GPD1L: variants seen among roughly 807,000 people sequenced by gnomAD.
GPD1L encodes glycerol-3-phosphate dehydrogenase 1 like, also known as glycerol-3-phosphate dehydrogenase 1-like protein.
Under a neutral mutation model 32.9 loss-of-function variants are expected in GPD1L, and 17 were observed. That is an observed-to-expected ratio of 0.52 (90% confidence interval 0.35 to 0.78). The LOEUF (loss-of-function observed/expected upper bound fraction) is 0.78, where lower values mean the gene tolerates loss of function less well. Ranked by LOEUF, GPD1L falls within the 30% of genes least tolerant of loss-of-function variation. The probability of loss-of-function intolerance (pLI) is 0.01; values close to 1 mark genes in which losing one functional copy is unlikely to be tolerated. For missense variants in GPD1L, 361 were observed against 447.8 expected (o/e 0.81, Z 1.75); for synonymous variants, 187 against 165.9 (o/e 1.13, Z -0.98).
chr3:32,135,157 G>A (rs757964804), intron 2 of GPD1L, among the ~76,000 whole-genome samples: 2 of 152,200 alleles, frequency 1.3e-5, no homozygotes, highest in Non-Finnish European at 2.9e-5. Flanking sequence ...GGGAAAGGGA[G>A]GAATGTGTAT....
chr3:32,112,045 T>C (rs1700260718), intron 1 of GPD1L, among the ~76,000 whole-genome samples: 1 of 152,192 alleles, frequency 6.6e-6, no homozygotes, highest in East Asian at 1.9e-4. Context: ...GGAGTGAGAG[T>C]TGATAGGATG....
rs142010279 is a variant in GPD1L at position 32,110,386 on chromosome 3, G to A, written c.47+3628G>A. Among the ~76,000 whole-genome samples the A allele has an allele frequency of 3.3e-4, 50 of 152,284 alleles. No individual in the cohort carries two copies. In the East Asian group the frequency reaches 9.7e-3, roughly 29 times the overall value. ...ACCAAGAGATAGACCTACCCTTCCA[G>A]ATCTGGTTCTTACCTCAGGAATGTC... is the stretch of plus-strand genomic sequence containing the variant. On this transcript the variant is annotated intron_variant, in intron 1 of 7. Coordinates refer to ENST00000282541, the MANE Select transcript of GPD1L (RefSeq NM_015141.4).
At chr3:32,155,054 C>T (rs1700968332) in intron 5 of GPD1L, among the ~76,000 whole-genome samples, 1 of 152,160 alleles carries the variant, frequency 6.6e-6, no homozygotes, top group Non-Finnish European at 1.5e-5. Flanking sequence ...TTTTACCTCC[C>T]AAGCCTTGGT....
Position 32,138,671 on chromosome 3 carries a change from T to G in GPD1L, c.310T>G (p.Cys104Gly). The G allele has an allele frequency of 6.2e-7, 1 of 1,614,022 alleles. No homozygotes were observed. The highest frequency in any genetic ancestry group is 8.5e-7 in the Non-Finnish European group (1 of 1,179,920). ...VIPHQFIHRI[C>G]DEITGRVPKK... The stretch of plus-strand genomic sequence containing the variant: ...TCCCCACCAGTTCATTCACAGAATC[T>G]GTGATGAGATCACTGGGAGAGTGCC... The change falls in exon 3 of 8, where the codon TGT (cysteine) becomes GGT (glycine). Residue 104 changes from cysteine to glycine, a missense_variant. Coordinates refer to ENST00000282541, the MANE Select transcript of GPD1L (RefSeq NM_015141.4).
chr3:32,146,883 C>T, intron 5 of GPD1L, 149 bp downstream of exon 5: 1 of 687,948 alleles, frequency 1.5e-6, no homozygotes, highest in Non-Finnish European at 2.7e-6. Context: ...TCCTGTTTTG[C>T]TGCAGCCTTT....
chr3:32,154,839 C>T (rs1462342991), intron 5 of GPD1L, among the ~76,000 whole-genome samples: 1 of 152,012 alleles, frequency 6.6e-6, no homozygotes. Flanking sequence ...CCTCCGCCTC[C>T]CCAGCTCAAG....
intron 4 of GPD1L, among the ~76,000 whole-genome samples, chr3:32,145,188 G>T (rs1027953853): frequency 6.6e-6 from 1 of 151,918 alleles, no homozygotes; most frequent in Non-Finnish European, 1.5e-5. Flanking sequence ...GTATGGTGGC[G>T]CATGCCTATA....
At chr3:32,133,638 A>G (rs1198371537) in intron 2 of GPD1L, among the ~76,000 whole-genome samples, 1 of 152,180 alleles carries the variant, frequency 6.6e-6, no homozygotes, top group East Asian at 1.9e-4. Flanking sequence ...GCCTATTTAT[A>G]GTCATGAATG....
intron 7 of GPD1L, among the ~76,000 whole-genome samples, chr3:32,164,443 T>A (rs1204523733): frequency 6.6e-6 from 1 of 152,230 alleles, no homozygotes; most frequent in East Asian, 1.9e-4. Context: ...TCAGGGAGCT[T>A]TCTCGGTCCA....
chr3:32,109,039 C>T (rs530269976), intron 1 of GPD1L, among the ~76,000 whole-genome samples: 4 of 152,208 alleles, frequency 2.6e-5, no homozygotes, highest in African/African-American at 4.8e-5. Flanking sequence ...TTAGTAGAGA[C>T]GGGGTTTCAC....
rs1246368777 is a variant in GPD1L at position 32,126,413 on chromosome 3, T to C, written c.48-1663T>C. ...CTAGACTTAGATTCCTGGTGTCTCATAGTCCCTCGTCAGTTGATGCTCAGT... is the reference window on the plus strand; with the variant it reads ...CTAGACTTAGATTCCTGGTGTCTCACAGTCCCTCGTCAGTTGATGCTCAGT... On this transcript the variant is annotated intron_variant, in intron 1 of 7. Transcript: ENST00000282541. 2.0e-5 allele frequency among the ~76,000 whole-genome samples: 3 copies of C among 152,172 alleles called. No individual in the cohort carries two copies. The East Asian group carries it at 5.8e-4, about 29-fold the overall frequency.
At chr3:32,149,186 A>G (rs879653091) in intron 5 of GPD1L, among the ~76,000 whole-genome samples, 1 of 152,110 alleles carries the variant, frequency 6.6e-6, no homozygotes, top group Non-Finnish European at 1.5e-5. Context: ...CTGCCTCCTG[A>G]GTAGCTGGGA....
intron 1 of GPD1L, among the ~76,000 whole-genome samples, chr3:32,123,791 A>AAGACAGATAGATAGAT (rs1700459360): frequency 7.9e-6 from 1 of 126,890 alleles, no homozygotes; most frequent in African/African-American, 2.8e-5. Context: ...CAGGAATTGA[A>AAGACAGATAGATAGAT]AGATAGATAG....
At chr3:32,120,702 GAGTGAAGCAGAATTGCAAGCATGCA>G (rs1225841334) in intron 1 of GPD1L, among the ~76,000 whole-genome samples, 1 of 152,222 alleles carries the variant, frequency 6.6e-6, no homozygotes, top group African/African-American at 2.4e-5. Flanking sequence ...GTGGGGAAGA[GAGTGAAGCAGAATTGCAAGCATGCA>G]AGTTATACAT....
intron 4 of GPD1L, among the ~76,000 whole-genome samples, chr3:32,143,575 G>A (rs958029133): frequency 2.0e-5 from 3 of 152,352 alleles, no homozygotes; most frequent in African/African-American, 4.8e-5. Context: ...CAGGCGTGGT[G>A]ACTCACACTT....
Position 32,165,796 on chromosome 3 carries a change from A to T in GPD1L, c.960-18A>T, listed in dbSNP as rs780858620. 4.9e-6 allele frequency: 7 copies of T among 1,427,404 alleles called. No individual in the cohort carries two copies. The Admixed American group carries it at 5.0e-5, about 10-fold the overall frequency. 88.4% of individuals were successfully genotyped at this position (1,427,404 alleles called of 1,614,324 possible). On this transcript the variant is annotated intron_variant, in intron 7 of 7. Transcript: ENST00000282541. ...TCCAGTGGCCTAACTTTGTCTTTTC[A>T]CATTTCCTCCCAACTAGGTTTCCAT...
intron 1 of GPD1L, among the ~76,000 whole-genome samples, chr3:32,114,838 C>G (rs1444624431): frequency 6.6e-6 from 1 of 152,060 alleles, no homozygotes; most frequent in Non-Finnish European, 1.5e-5. Flanking sequence ...CACAGACCTT[C>G]CCAGTGAGTG....
intron 7 of GPD1L, among the ~76,000 whole-genome samples, chr3:32,163,309 C>T (rs976865763): frequency 5.9e-5 from 9 of 151,948 alleles, no homozygotes; most frequent in Admixed American, 3.9e-4. Flanking sequence ...GCTGGGACTA[C>T]AGGCGCCCGC....
intron 5 of GPD1L, among the ~76,000 whole-genome samples, chr3:32,148,968 C>G (rs1559579841): frequency 6.6e-6 from 1 of 152,124 alleles, no homozygotes; most frequent in Non-Finnish European, 1.5e-5. Context: ...TGTTGTATAC[C>G]CTTCCAATGT....
Sources: allele counts gnomAD v4.1 joint callset (sites outside exome capture counted in the v4.1 genomes callset), GRCh38; gene constraint gnomAD v4.1.1; transcripts MANE v1.5; gene names NCBI Gene and HGNC (gene_info 2026-07-23, HGNC 2026-07-21).